The following NRG3 variants were observed in gnomAD, a reference collection of about 807,000 sequenced individuals.
NRG3 encodes neuregulin 3.
NRG3 carries 31 observed loss-of-function variants against 66.9 expected under a neutral mutation model. That is an observed-to-expected ratio of 0.46 (90% confidence interval 0.35 to 0.63). The LOEUF is 0.63. Ranked by LOEUF, NRG3 falls within the 20% of genes least tolerant of loss-of-function variation. The probability of loss-of-function intolerance (pLI) is 0.00; values close to 1 mark genes in which losing one functional copy is unlikely to be tolerated. For synonymous variants in NRG3, 393 were observed against 359.4 expected (o/e 1.09, Z -1.06); for missense variants, 910 against 878.9 (o/e 1.04, Z -0.45).
At chr10:82,637,049 A>T (rs2050249905) in intron 2 of NRG3, among the ~76,000 whole-genome samples, 1 of 152,152 alleles carries the variant, frequency 6.6e-6, no homozygotes, top group African/African-American at 2.4e-5. Context: ...TTGCTAAATG[A>T]CTAGATTGTA....
intron 1 of NRG3, among the ~76,000 whole-genome samples, chr10:81,975,997 T>C (rs530290370): frequency 4.1e-4 from 62 of 152,312 alleles, no homozygotes; most frequent in African/African-American, 1.5e-3. Context: ...CAGAATCTTT[T>C]CTTGAGATTT....
chr10:81,882,430 A>C (rs1003093731), intron 1 of NRG3, among the ~76,000 whole-genome samples: 4 of 152,126 alleles, frequency 2.6e-5, no homozygotes, highest in Non-Finnish European at 5.9e-5. Context: ...TGTATGATAC[A>C]TATATATATT....
At chr10:82,939,595 G>C (rs898466175) in intron 4 of NRG3, among the ~76,000 whole-genome samples, 11 of 151,620 alleles carry the variant, frequency 7.3e-5, no homozygotes, top group African/African-American at 2.7e-4. Context: ...TCAGCCTTCC[G>C]AGTAGCTGGG....
At chr10:81,959,673 A>ATT (rs1010371637) in intron 1 of NRG3, among the ~76,000 whole-genome samples, 22 of 147,116 alleles carry the variant, frequency 1.5e-4, no homozygotes, top group Middle Eastern at 3.6e-3. Context: ...TTTTAACTTC[A>ATT]TTTTTTTTTT....
intron 2 of NRG3, among the ~76,000 whole-genome samples, chr10:82,712,574 G>T (rs751031851): frequency 6.6e-6 from 1 of 152,192 alleles, no homozygotes; most frequent in Admixed American, 6.5e-5. Flanking sequence ...CTCAGGAGAC[G>T]CTGCTGCTGG....
intron 2 of NRG3, among the ~76,000 whole-genome samples, chr10:82,490,168 C>G (rs11194681): frequency 0.57 from 86,126 of 152,078 alleles, 28,337 homozygotes; most frequent in South Asian, 0.77. Flanking sequence ...CAGCAGCCAA[C>G]TTGCTTCTTT....
rs796613736 is a variant in NRG3, at chr10:82,721,307, AT to A, written c.954-17258del. On this transcript the variant is annotated intron_variant, in intron 2 of 8. Coordinates refer to ENST00000372141, the MANE Select transcript of NRG3 (RefSeq NM_001010848.4). ...CCACCATGCCCGGCTAATTTTTTGT[AT>A]TTTTTTTTTTTAGTAGAGGCGGTGT... is the stretch of plus-strand genomic sequence containing the variant. 4.3e-3 allele frequency among the ~76,000 whole-genome samples: 559 copies of A among 130,556 alleles called. 1 individual carries two copies. The highest frequency in any genetic ancestry group is 8.8e-3 in the African/African-American group (312 of 35,382). The allele number at this position is 130,556 out of a possible 152,430, so 85.6% of individuals were successfully genotyped here.
intron 1 of NRG3, among the ~76,000 whole-genome samples, chr10:82,143,564 G>A (rs537115541): frequency 6.6e-6 from 1 of 152,328 alleles, no homozygotes; most frequent in East Asian, 1.9e-4. Flanking sequence ...AGTTGCATCA[G>A]TTTATATTAG....
Position 82,272,604 on chromosome 10 carries a change from G to A in NRG3, c.824-86135G>A, listed in dbSNP as rs566976950. Among the ~76,000 whole-genome samples the A allele has an allele frequency of 5.3e-5, 8 of 152,130 alleles. No homozygotes were observed. The South Asian group carries it at 8.3e-4, about 16-fold the overall frequency. On this transcript the variant is annotated intron_variant, in intron 1 of 8. Transcript: ENST00000372141. ...ATTCAAATTTTCTCCCATTGAAAAAGCACAGGGTTTACGCCTTTCTACTTT... is the reference window on the plus strand; with the variant it reads ...ATTCAAATTTTCTCCCATTGAAAAAACACAGGGTTTACGCCTTTCTACTTT...
chr10:82,745,389 TC>T (rs2058600342), intron 3 of NRG3, among the ~76,000 whole-genome samples: 1 of 152,120 alleles, frequency 6.6e-6, no homozygotes, highest in African/African-American at 2.4e-5. Context: ...ATTATCACTT[TC>T]CCCTGGTCTA....
At chr10:82,015,691 A>G (rs1040299973) in intron 1 of NRG3, among the ~76,000 whole-genome samples, 4 of 151,980 alleles carry the variant, frequency 2.6e-5, no homozygotes, top group African/African-American at 9.7e-5. Flanking sequence ...TTTCCTTTAT[A>G]AATTACCGCA....
At chr10:82,421,221 C>G (rs926315781) in intron 2 of NRG3, among the ~76,000 whole-genome samples, 8 of 152,064 alleles carry the variant, frequency 5.3e-5, no homozygotes, top group Non-Finnish European at 4.4e-5. Flanking sequence ...TTGTCATTTT[C>G]CAAAGCTTGA....
chr10:82,531,591 C>A (rs376918550), intron 2 of NRG3, among the ~76,000 whole-genome samples: 1 of 151,600 alleles, frequency 6.6e-6, no homozygotes, highest in Non-Finnish European at 1.5e-5. Context: ...TTTTGACACC[C>A]CATTTCATTC....
intron 2 of NRG3, among the ~76,000 whole-genome samples, chr10:82,644,009 G>A (rs2050766912): frequency 6.6e-6 from 1 of 152,092 alleles, no homozygotes; most frequent in African/African-American, 2.4e-5. Flanking sequence ...GGATATAGGG[G>A]TTAATTGAGT....
At chr10:82,189,809 A>G (rs992908772) in intron 1 of NRG3, among the ~76,000 whole-genome samples, 3 of 151,728 alleles carry the variant, frequency 2.0e-5, no homozygotes, top group Admixed American at 2.0e-4. Flanking sequence ...AAATAAATAA[A>G]TAAATTAGCC....
intron 1 of NRG3, among the ~76,000 whole-genome samples, chr10:82,159,704 A>G (rs1249616442): frequency 6.6e-6 from 1 of 151,950 alleles, no homozygotes; most frequent in East Asian, 1.9e-4. Flanking sequence ...CCTGGAACAT[A>G]GTAGGTGCTC....
At chr10:82,052,527 A>G in intron 1 of NRG3, among the ~76,000 whole-genome samples, 1 of 152,190 alleles carries the variant, frequency 6.6e-6, no homozygotes, top group East Asian at 1.9e-4. Context: ...GCAATGTGAA[A>G]TTTTGTCCAC....
At chr10:82,535,133 T>TGACA (rs1260559427) in intron 2 of NRG3, among the ~76,000 whole-genome samples, 1 of 149,098 alleles carries the variant, frequency 6.7e-6, no homozygotes, top group Non-Finnish European at 1.5e-5. Context: ...CCAGCCTGGA[T>TGACA]GACAGAGAGA....
chr10:82,521,058 C>T (rs1846131527), intron 2 of NRG3, among the ~76,000 whole-genome samples: 1 of 152,066 alleles, frequency 6.6e-6, no homozygotes, highest in African/African-American at 2.4e-5. Context: ...AAGTTCAGTT[C>T]CAGACCACCA....
Sources: allele counts gnomAD v4.1 joint callset (sites outside exome capture counted in the v4.1 genomes callset), GRCh38; gene constraint gnomAD v4.1.1; transcripts MANE v1.5; gene names NCBI Gene and HGNC (gene_info 2026-07-23, HGNC 2026-07-21).